ANKRD12: variants seen among roughly 807,000 people sequenced by gnomAD.
The protein encoded by ANKRD12 is ankyrin repeat domain 12, also known as ankyrin repeat domain-containing protein 12.
Under a neutral mutation model 183.4 loss-of-function variants are expected in ANKRD12, and 85 were observed. The ratio of observed to expected loss-of-function variants is 0.46; its 90% confidence interval spans 0.39 to 0.56. The LOEUF is 0.56. ANKRD12 is among the 20% of genes least tolerant of loss of function. The pLI, the probability that ANKRD12 is intolerant of heterozygous loss-of-function variation, is 0.00. For synonymous variants in ANKRD12, 914 were observed against 800.2 expected (o/e 1.14, Z -2.40); for missense variants, 2,405 against 2,357.1 (o/e 1.02, Z -0.42).
At chr18:9,167,875 G>GT (rs1484320446) in intron 1 of ANKRD12, among the ~76,000 whole-genome samples, 1 of 151,938 alleles carries the variant, frequency 6.6e-6, no homozygotes, top group East Asian at 1.9e-4. Context: ...AGCTCTTATT[G>GT]TTTTGAGATA....
chr18:9,212,073 T>C (rs1039066775), intron 6 of ANKRD12, among the ~76,000 whole-genome samples: 3 of 152,136 alleles, frequency 2.0e-5, no homozygotes, highest in Non-Finnish European at 2.9e-5. Context: ...ATTTGAGTTA[T>C]ATGTTTTCAA....
At position 9,258,571 on chromosome 18, in the gene ANKRD12, A is replaced by G. The variant is rs1446939938; in HGVS notation, c.5304A>G (p.Arg1768=). 2 of 1,613,756 alleles carry G rather than the reference A, an allele frequency of 1.2e-6. No individual in the cohort carries two copies. The highest frequency in any genetic ancestry group is 1.3e-5 in the African/African-American group (1 of 74,916). The change falls in exon 9 of 13, where the codon AGA becomes AGG. Residue 1768 remains arginine, a synonymous_variant. Coordinates refer to ENST00000262126, the MANE Select transcript of ANKRD12 (RefSeq NM_015208.5). ...SEKDSESSSP[R]GRIRLTEDDD... ...AAGACAGTGAATCCTCATCTCCTAG[A>G]GGAAGAATAAGATTAACTGAAGATG... is the stretch of plus-strand genomic sequence containing the variant.
chr18:9,191,231 G>A (rs189371990), intron 2 of ANKRD12, among the ~76,000 whole-genome samples: 44 of 152,322 alleles, frequency 2.9e-4, no homozygotes, highest in African/African-American at 1.0e-3. Context: ...GGCCTAGGAT[G>A]TGCTAATGAG....
At chr18:9,171,260 T>C (rs1183082699) in intron 1 of ANKRD12, among the ~76,000 whole-genome samples, 2 of 152,194 alleles carry the variant, frequency 1.3e-5, no homozygotes, top group Non-Finnish European at 2.9e-5. Flanking sequence ...TCACCCGTCT[T>C]CTGCGTCGCT....
intron 8 of ANKRD12, 113 bp downstream of exon 8, chr18:9,222,112 T>C: frequency 7.7e-7 from 1 of 1,299,608 alleles, no homozygotes; most frequent in Non-Finnish European, 1.1e-6. Context: ...TAATGCTGGC[T>C]AGCTAGAATA....
chr18:9,196,843 CT>C (rs572803235), intron 3 of ANKRD12, among the ~76,000 whole-genome samples: 18 of 149,900 alleles, frequency 1.2e-4, no homozygotes, highest in South Asian at 6.4e-4. Flanking sequence ...GATTCAGAAT[CT>C]TTTTTTTTTC....
At chr18:9,263,696 T>A in intron 9 of ANKRD12, 94 bp from the exon 10 acceptor site, 1 of 896,690 alleles carries the variant, frequency 1.1e-6, no homozygotes, top group Non-Finnish European at 1.5e-6. Flanking sequence ...CAGAATTTGT[T>A]TTTTTATGCA....
At chr18:9,214,753 A>G (rs760781581) in intron 6 of ANKRD12, among the ~76,000 whole-genome samples, 2 of 152,186 alleles carry the variant, frequency 1.3e-5, no homozygotes, top group Non-Finnish European at 2.9e-5. Flanking sequence ...CGAATCCAGC[A>G]TAAGGACCAG....
Position 9,263,776 on chromosome 18 carries a change from A to G in ANKRD12, c.5665-14A>G. 1.3e-6 allele frequency: 2 copies of G among 1,524,180 alleles called. No homozygotes were observed. Among genetic ancestry groups the G allele is most frequent in the South Asian group, 1.2e-5 (1 of 80,040 alleles). The allele number at this position is 1,524,180 out of a possible 1,614,324, so 94.4% of individuals were successfully genotyped here. ...AAACCTAATATTTTAAACTATATAT[A>G]TCTTTTTAATTAGATTACACCACCA... On this transcript the variant is annotated splice_polypyrimidine_tract_variant and intron_variant, in intron 9 of 12. Transcript: ENST00000262126.
chr18:9,218,210 C>T (rs1245594655), intron 7 of ANKRD12, among the ~76,000 whole-genome samples: 1 of 152,162 alleles, frequency 6.6e-6, no homozygotes, highest in East Asian at 1.9e-4. Flanking sequence ...CACATAGCTG[C>T]AGAATATTTC....
chr18:9,257,231 C>G lies in ANKRD12; in HGVS notation c.3964C>G (p.Gln1322Glu). The change falls in exon 9 of 13, where the codon CAA becomes GAA. Residue 1322 changes from glutamine (Q) to glutamate (E), a missense_variant. By Grantham distance (29) the Gln-to-Glu change is conservative. Around this residue, in one of 7 missense-constraint regions of ANKRD12, gnomAD observed 1,983 missense variants for 1,725.9 expected, o/e 1.15. Coordinates refer to ENST00000262126, the MANE Select transcript of ANKRD12 (RefSeq NM_015208.5). ...TTCTGTCATTTGTGAACATACCAAACAATTCCAAACAATATCAGAAGAGAG... is the reference window on the plus strand; with the variant it reads ...TTCTGTCATTTGTGAACATACCAAAGAATTCCAAACAATATCAGAAGAGAG... The part of the protein sequence containing the change: ...MPSVICEHTK[Q>E]FQTISEESNQ... The G allele has an allele frequency of 6.2e-7, 1 of 1,614,144 alleles. No individual in the cohort carries two copies. Among genetic ancestry groups the G allele is most frequent in the Admixed American group, 1.7e-5 (1 of 60,016 alleles).
chr18:9,260,276 TAAC>T, intron 9 of ANKRD12: 1 of 152,242 alleles, frequency 6.6e-6, no homozygotes, highest in East Asian at 1.9e-4. Context: ...CCAGGCCTGA[TAAC>T]AATAACTGTA....
chr18:9,210,746 A>T (rs73394123), intron 5 of ANKRD12, among the ~76,000 whole-genome samples: 1,562 of 150,526 alleles, frequency 0.01, 42 homozygotes, highest in African/African-American at 0.036. Flanking sequence ...AAAATCCAAA[A>T]GATGAACCTT....
rs370912700 is a variant in ANKRD12, at chr18:9,224,609, CTGT to C, written c.943+2616_943+2618del. On this transcript the variant is annotated intron_variant, in intron 8 of 12. Coordinates refer to ENST00000262126, the MANE Select transcript of ANKRD12 (RefSeq NM_015208.5). Reference sequence around the variant, plus strand: ...CTTGGAGTGAAGCTGGCACCATACACTGTTGTTGAGAGTGCTTTCTGGAAAACA... The same window carrying C: ...CTTGGAGTGAAGCTGGCACCATACACTGTTGAGAGTGCTTTCTGGAAAACA... Among the ~76,000 whole-genome samples, 91 of 152,220 alleles carry C rather than the reference CTGT, an allele frequency of 6.0e-4. 1 individual carries two copies. In the South Asian group the frequency reaches 0.015, roughly 25 times the overall value.
intron 3 of ANKRD12, among the ~76,000 whole-genome samples, chr18:9,196,950 T>C (rs925443886): frequency 6.6e-6 from 1 of 152,200 alleles, no homozygotes; most frequent in Non-Finnish European, 1.5e-5. Context: ...CTATTTCAGA[T>C]TGAACTCTTC....
At chr18:9,151,147 CT>C (rs1201113714) in intron 1 of ANKRD12, among the ~76,000 whole-genome samples, 1 of 152,130 alleles carries the variant, frequency 6.6e-6, no homozygotes, top group Non-Finnish European at 1.5e-5. Context: ...GCTTAAATAG[CT>C]AAGGCAGGGA....
intron 6 of ANKRD12, among the ~76,000 whole-genome samples, chr18:9,216,180 A>G (rs1198281848): frequency 1.3e-5 from 2 of 152,046 alleles, no homozygotes; most frequent in Admixed American, 1.3e-4. Context: ...AAGTTACACC[A>G]AATATGCCTG....
rs759165347 is a variant in ANKRD12 at position 9,221,908 on chromosome 18, G to A, written c.852G>A (p.Gly284=). 23 of 1,613,858 alleles carry A rather than the reference G, an allele frequency of 1.4e-5. No homozygotes were observed. The South Asian group carries it at 2.3e-4, about 16-fold the overall frequency. Residue 284 remains glycine (G), a synonymous_variant, in exon 8 of 13, where the codon GGG becomes GGA. Coordinates refer to ENST00000262126, the MANE Select transcript of ANKRD12 (RefSeq NM_015208.5). ...ATCCATTTCAAGCTAATAAACATGG[G>A]GAGCGTCCAGTGGATGTAGCAGAAA... ...GGNPFQANKH[G]ERPVDVAETE...
chr18:9,255,927 A>C lies in ANKRD12; in HGVS notation c.2660A>C (p.Lys887Thr), dbSNP rs746364295. 6.3e-7 allele frequency: 1 copy of C among 1,589,994 alleles called. No individual in the cohort carries two copies. The highest frequency in any genetic ancestry group is 8.5e-7 in the Non-Finnish European group (1 of 1,173,676). Residue 887 changes from lysine to threonine, a missense_variant, in exon 9 of 13, where the codon AAG becomes ACG. Lys to Thr is a moderately conservative substitution (Grantham distance 78, BLOSUM62 -1). Transcript: ENST00000262126. ...GAAAAATGCCATAAAGAAGGTGAGAAGAGCAAAAATACTGCTGCTATTAAA... is the reference window on the plus strand; with the variant it reads ...GAAAAATGCCATAAAGAAGGTGAGACGAGCAAAAATACTGCTGCTATTAAA... Reference protein sequence around the residue: ...HTEKCHKEGEKSKNTAAIKKT... With the variant: ...HTEKCHKEGETSKNTAAIKKT...
Sources: allele counts gnomAD v4.1 joint callset (sites outside exome capture counted in the v4.1 genomes callset), GRCh38; gene constraint gnomAD v4.1.1; regional missense constraint gnomAD v4.1.1; transcripts MANE v1.5; gene names NCBI Gene and HGNC (gene_info 2026-07-23, HGNC 2026-07-21).